Variants in TAF4B observed in about 807,000 individuals in gnomAD.
TAF4B encodes transcription initiation factor TFIID subunit 4B.
TAF4B carries 38 observed loss-of-function variants against 86.4 expected under a neutral mutation model. That is an observed-to-expected ratio of 0.44 (90% CI 0.34 to 0.58). The LOEUF (loss-of-function observed/expected upper bound fraction) is 0.58. TAF4B is among the 20% of genes least tolerant of loss of function. The probability of loss-of-function intolerance (pLI) is 0.02; values close to 1 mark genes in which losing one functional copy is unlikely to be tolerated. For synonymous variants in TAF4B, 388 were observed against 391.2 expected (o/e 0.99, Z 0.10); for missense variants, 988 against 1,027.6 (o/e 0.96, Z 0.53).
At chr18:26,334,515 A>G (rs553774565) in intron 12 of TAF4B, among the ~76,000 whole-genome samples, 227 of 152,312 alleles carry the variant, frequency 1.5e-3, no homozygotes, top group Non-Finnish European at 2.3e-3. Flanking sequence ...CCTTTGTTCC[A>G]TCATAGCTTG....
Position 26,271,454 on chromosome 18 carries a change from A to G in TAF4B, c.598-3209A>G, listed in dbSNP as rs370353527. 2.0e-4 allele frequency among the ~76,000 whole-genome samples: 30 copies of G among 152,328 alleles called. No homozygotes were observed. In the East Asian group the frequency reaches 2.7e-3, roughly 14 times the overall value. On this transcript the variant is annotated intron_variant, in intron 3 of 14. Coordinates refer to ENST00000269142, the MANE Select transcript of TAF4B (RefSeq NM_005640.3). ...GCTATTTCATCTTCTAAATTTCCAT[A>G]CAACTCATTTTATTGGCTCTGTGTA...
intron 7 of TAF4B, among the ~76,000 whole-genome samples, chr18:26,289,753 T>C (rs1598763391): frequency 6.6e-6 from 1 of 152,374 alleles, no homozygotes; most frequent in Middle Eastern, 3.4e-3. Flanking sequence ...TGGTTTTATT[T>C]GGTGCTTTCT....
At chr18:26,243,949 C>T (rs958603958) in intron 1 of TAF4B, among the ~76,000 whole-genome samples, 1 of 152,204 alleles carries the variant, frequency 6.6e-6, no homozygotes, top group African/African-American at 2.4e-5. Flanking sequence ...CTGGAAGCTT[C>T]GTCTCAGAGG....
At chr18:26,242,189 A>G (rs1460485981) in intron 1 of TAF4B, among the ~76,000 whole-genome samples, 2 of 152,294 alleles carry the variant, frequency 1.3e-5, no homozygotes, top group South Asian at 2.1e-4. Context: ...GTGGGGTGTT[A>G]AAGTCTCCCA....
At chr18:26,254,350 T>G (rs1385411637) in intron 1 of TAF4B, among the ~76,000 whole-genome samples, 1 of 152,216 alleles carries the variant, frequency 6.6e-6, no homozygotes, top group Non-Finnish European at 1.5e-5. Flanking sequence ...TTTTTCTTTT[T>G]TTTCTCTTTT....
chr18:26,231,027 T>G (rs113587414), intron 1 of TAF4B, among the ~76,000 whole-genome samples: 11,402 of 144,932 alleles, frequency 0.079, 1,450 homozygotes, highest in African/African-American at 0.27. Flanking sequence ...TGTGGTGTGT[T>G]GTTTTGCTTT....
chr18:26,337,582 C>T (rs941910356), intron 13 of TAF4B, among the ~76,000 whole-genome samples: 2 of 151,918 alleles, frequency 1.3e-5, no homozygotes, highest in Non-Finnish European at 2.9e-5. Context: ...ACCACCGCAT[C>T]CAGCTAATTT....
chr18:26,286,792 T>C (rs577729009), intron 7 of TAF4B, among the ~76,000 whole-genome samples: 2 of 152,274 alleles, frequency 1.3e-5, no homozygotes, highest in South Asian at 4.1e-4. Flanking sequence ...CAAGCATTTC[T>C]CATGCCTTAC....
chr18:26,253,318 C>T (rs550071145), intron 1 of TAF4B, among the ~76,000 whole-genome samples: 4 of 152,168 alleles, frequency 2.6e-5, no homozygotes, highest in East Asian at 1.9e-4. Flanking sequence ...ATGCTTGTTC[C>T]GCATCTGTTG....
chr18:26,242,110 G>T (rs965940007), intron 1 of TAF4B, among the ~76,000 whole-genome samples: 1 of 152,150 alleles, frequency 6.6e-6, no homozygotes, highest in Non-Finnish European at 1.5e-5. Context: ...CCTGCTTGGT[G>T]CAGAGCTGAG....
intron 1 of TAF4B, among the ~76,000 whole-genome samples, chr18:26,251,823 G>A (rs192171301): frequency 6.6e-6 from 1 of 152,102 alleles, no homozygotes; most frequent in African/African-American, 2.4e-5. Flanking sequence ...TAAATAATTG[G>A]TTAAGGTTGC....
At position 26,309,245 on chromosome 18, in the gene TAF4B, A is replaced by ATT. The variant is rs59457633; in HGVS notation, c.1833-5950_1833-5949dup. On this transcript the variant is annotated intron_variant, in intron 9 of 14. Coordinates refer to ENST00000269142, the MANE Select transcript of TAF4B (RefSeq NM_005640.3). ...CACTTTAGGGAAAAAACCTGACAGTATTTTTTTTTTTTTTTTTTTTTTTTT... is the reference window on the plus strand; with the variant it reads ...CACTTTAGGGAAAAAACCTGACAGTATTTTTTTTTTTTTTTTTTTTTTTTTTT... Among the ~76,000 whole-genome samples, 102 of 84,568 alleles carry ATT rather than the reference A, an allele frequency of 1.2e-3. 6 individuals are homozygous for ATT. Among genetic ancestry groups the ATT allele is most frequent in the African/African-American group, 3.7e-3 (95 of 25,982 alleles). The allele number at this position is 84,568 out of a possible 152,430, so 55.5% of individuals were successfully genotyped here.
intron 1 of TAF4B, among the ~76,000 whole-genome samples, chr18:26,260,444 A>G (rs6508427): frequency 0.65 from 98,823 of 151,984 alleles, 34,371 homozygotes; most frequent in African/African-American, 0.89. Context: ...AATCCATCTT[A>G]AATTAAGTTT....
At chr18:26,328,414 C>A (rs554436956) in intron 12 of TAF4B, among the ~76,000 whole-genome samples, 2 of 152,044 alleles carry the variant, frequency 1.3e-5, no homozygotes, top group African/African-American at 4.8e-5. Context: ...CGTGCCACTA[C>A]ACTACAGCCT....
intron 7 of TAF4B, among the ~76,000 whole-genome samples, chr18:26,289,917 GGTT>G (rs1417540221): frequency 3.9e-5 from 6 of 152,144 alleles, no homozygotes; most frequent in African/African-American, 7.2e-5. Context: ...GGGGATTGAA[GGTT>G]GTTAAGTCCC....
At chr18:26,335,968 C>G (rs1398742903) in intron 13 of TAF4B, among the ~76,000 whole-genome samples, 1 of 152,046 alleles carries the variant, frequency 6.6e-6, no homozygotes, top group East Asian at 1.9e-4. Flanking sequence ...ACTGGAGTTG[C>G]CCCCAGAGCT....
chr18:26,384,764 G>A (rs60271717), intron 14 of TAF4B, among the ~76,000 whole-genome samples: 12,421 of 152,230 alleles, frequency 0.082, 597 homozygotes, highest in Middle Eastern at 0.13. Context: ...TTTAGAGAGC[G>A]TATGCCATTG....
At chr18:26,297,311 G>A (rs1444999972) in intron 9 of TAF4B, among the ~76,000 whole-genome samples, 10 of 152,118 alleles carry the variant, frequency 6.6e-5, no homozygotes, top group African/African-American at 9.7e-5. Flanking sequence ...GAGAAAATTC[G>A]TTGGCACTGT....
intron 7 of TAF4B, among the ~76,000 whole-genome samples, chr18:26,290,683 G>A (rs2056580736): frequency 6.6e-6 from 1 of 152,036 alleles, no homozygotes; most frequent in African/African-American, 2.4e-5. Flanking sequence ...TTTGTTTTTG[G>A]TTTTCTTTCA....
Sources: gnomAD v4.1 joint callset for allele counts (sites outside exome capture counted in the v4.1 genomes callset) on GRCh38, gnomAD v4.1.1 for gene constraint, MANE v1.5 for transcripts, NCBI Gene and HGNC (gene_info 2026-07-23, HGNC 2026-07-21) for gene names.